Variants in NDST4 observed in about 807,000 individuals in gnomAD.
NDST4 encodes the protein N-deacetylase and N-sulfotransferase 4.
A neutral mutation model predicts 100.8 loss-of-function variants in NDST4; 63 were observed. That is an observed-to-expected ratio of 0.62 (90% CI 0.51 to 0.77). The LOEUF is 0.77. Among genes scored for constraint, NDST4 ranks in the 30% least tolerant of loss-of-function variants. The pLI is 0.00. For missense variants in NDST4, 943 were observed against 1,018.4 expected (o/e 0.93, Z 1.01); for synonymous variants, 377 against 361.8 (o/e 1.04, Z -0.48).
intron 6 of NDST4, 138 bp from the exon 7 acceptor site, chr4:114,871,088 C>T: frequency 1.8e-6 from 1 of 547,872 alleles, no homozygotes; most frequent in Middle Eastern, 4.8e-4. Flanking sequence ...GAAAGCCACA[C>T]ATTTAATTTT....
chr4:114,948,592 T>C (rs1725921432), intron 4 of NDST4, among the ~76,000 whole-genome samples: 1 of 152,102 alleles, frequency 6.6e-6, no homozygotes, highest in Non-Finnish European at 1.5e-5. Context: ...TGTTATCCTG[T>C]TGAAGTGATA....
intron 4 of NDST4, among the ~76,000 whole-genome samples, chr4:114,965,507 T>A (rs1178852920): frequency 6.6e-6 from 1 of 152,068 alleles, no homozygotes; most frequent in Admixed American, 6.6e-5. Context: ...TGTAGCTTTT[T>A]AAAATCAGAA....
chr4:114,837,836 TTAAAC>T (rs1353910253), intron 11 of NDST4, among the ~76,000 whole-genome samples: 1 of 152,122 alleles, frequency 6.6e-6, no homozygotes, highest in Non-Finnish European at 1.5e-5. Flanking sequence ...TGGGATCTAA[TTAAAC>T]TAAAGAGCTT....
At chr4:114,991,499 G>C (rs963406994) in intron 2 of NDST4, among the ~76,000 whole-genome samples, 1 of 152,030 alleles carries the variant, frequency 6.6e-6, no homozygotes, top group African/African-American at 2.4e-5. Context: ...ATAACATAAA[G>C]GGTATGTGGA....
chr4:114,862,130 A>T (rs1723930471), intron 7 of NDST4, among the ~76,000 whole-genome samples: 1 of 152,160 alleles, frequency 6.6e-6, no homozygotes, highest in African/African-American at 2.4e-5. Context: ...TAGGACAGGC[A>T]CAGTAAACAT....
chr4:114,832,976 T>TTCC (rs1723231653), intron 12 of NDST4, among the ~76,000 whole-genome samples: 1 of 120,926 alleles, frequency 8.3e-6, no homozygotes, highest in Non-Finnish European at 1.8e-5. Context: ...CAAAGCCAGA[T>TTCC]ATTCAAGTCT....
chr4:115,063,357 T>C (rs942371703), intron 2 of NDST4, among the ~76,000 whole-genome samples: 1 of 151,932 alleles, frequency 6.6e-6, no homozygotes, highest in Non-Finnish European at 1.5e-5. Context: ...TAAAAGACAA[T>C]GTCTATGACT....
intron 6 of NDST4, among the ~76,000 whole-genome samples, chr4:114,909,376 A>G (rs1442931871): frequency 1.3e-5 from 2 of 152,074 alleles, no homozygotes; most frequent in Admixed American, 1.3e-4. Context: ...AAGCTAAATT[A>G]TTGGCCGGGC....
chr4:114,935,188 C>T lies in NDST4; in HGVS notation c.1536+18G>A. 12 of 1,565,008 alleles carry T rather than the reference C, an allele frequency of 7.7e-6. No homozygotes were observed. The highest frequency in any genetic ancestry group is 9.5e-6 in the Non-Finnish European group (11 of 1,158,070). The stretch of plus-strand genomic sequence containing the variant: ...AAAATGCTAATCTTATTGTAAGGTG[C>T]ATACATAGAATACATACTGGGTTTA... On this transcript the variant is annotated intron_variant, in intron 6 of 13. Transcript: ENST00000264363.
chr4:114,911,792 A>G (rs1725068842), intron 6 of NDST4, among the ~76,000 whole-genome samples: 1 of 152,180 alleles, frequency 6.6e-6, no homozygotes, highest in Non-Finnish European at 1.5e-5. Context: ...ATGATCTCCT[A>G]CAATAAGTAT....
chr4:114,933,989 G>T (rs207464983), intron 6 of NDST4, among the ~76,000 whole-genome samples: 1 of 152,040 alleles, frequency 6.6e-6, no homozygotes, highest in East Asian at 1.9e-4. Context: ...CCTTTACTGG[G>T]TATATAGCCA....
At chr4:115,088,050 T>G (rs769444962) in intron 1 of NDST4, among the ~76,000 whole-genome samples, 2 of 151,994 alleles carry the variant, frequency 1.3e-5, no homozygotes, top group African/African-American at 2.4e-5. Flanking sequence ...GATTGAGACA[T>G]CTTTGAAATA....
Position 115,076,169 on chromosome 4 carries a change from A to C in NDST4, c.868T>G (p.Phe290Val). 1 of 1,613,960 alleles carries C rather than the reference A, an allele frequency of 6.2e-7. No homozygotes were observed. Among genetic ancestry groups the C allele is most frequent in the Non-Finnish European group, 8.5e-7 (1 of 1,179,918 alleles). Residue 290 changes from phenylalanine (F) to valine (V), a missense_variant, in exon 2 of 14, where the codon TTC becomes GTC. By Grantham distance (50) the Phe-to-Val change is conservative. Coordinates refer to ENST00000264363, the MANE Select transcript of NDST4 (RefSeq NM_022569.3). The stretch of plus-strand genomic sequence containing the variant: ...AATGTCAGCCTCTTCCCTGACAAGA[A>C]GGAGATGGCATCTATGAAGATGAGC... ...HKLIFIDAISFLSGKRLTLSL... is the reference protein window; with the variant it reads ...HKLIFIDAISVLSGKRLTLSL...
chr4:114,839,342 TAAAATAAACAGAAG>T lies in NDST4; in HGVS notation c.2286+22_2286+35del, dbSNP rs752238274. The T allele has an allele frequency of 5.1e-6, 8 of 1,557,458 alleles. No individual in the cohort carries two copies. The African/African-American group carries it at 1.1e-4, about 21-fold the overall frequency. On this transcript the variant is annotated intron_variant, in intron 11 of 13. Transcript: ENST00000264363. ...AATATAAAATTTCAGGACATTATAATAAAATAAACAGAAGAAAGTAATTTCAGGACATTACCTGA... is the reference window on the plus strand; with the variant it reads ...AATATAAAATTTCAGGACATTATAATAAAGTAATTTCAGGACATTACCTGA...
intron 1 of NDST4, among the ~76,000 whole-genome samples, chr4:115,106,026 T>C (rs1729826512): frequency 6.6e-6 from 1 of 152,056 alleles, no homozygotes; most frequent in Admixed American, 6.6e-5. Flanking sequence ...TAAGCATTTC[T>C]GCCATCAAAA....
intron 4 of NDST4, among the ~76,000 whole-genome samples, chr4:114,969,183 G>T (rs1365739095): frequency 2.6e-5 from 4 of 151,048 alleles, no homozygotes; most frequent in Non-Finnish European, 5.9e-5. Flanking sequence ...GCGTAGTGGC[G>T]GGCGCCTGTA....
At chr4:114,953,713 A>G (rs542542055) in intron 4 of NDST4, among the ~76,000 whole-genome samples, 1 of 152,234 alleles carries the variant, frequency 6.6e-6, no homozygotes, top group East Asian at 1.9e-4. Context: ...ACAATAAATA[A>G]CTCAAATGCT....
intron 6 of NDST4, among the ~76,000 whole-genome samples, chr4:114,920,389 A>G (rs1222742438): frequency 6.6e-6 from 1 of 152,196 alleles, no homozygotes; most frequent in East Asian, 1.9e-4. Context: ...GGAGGATGGC[A>G]ATTTTCAAGT....
At chr4:114,845,370 T>C (rs1723522608) in intron 10 of NDST4, among the ~76,000 whole-genome samples, 1 of 152,114 alleles carries the variant, frequency 6.6e-6, no homozygotes, top group Admixed American at 6.5e-5. Flanking sequence ...TGTTGGACTG[T>C]TGTTTTTGTG....
Sources: allele counts gnomAD v4.1 joint callset (sites outside exome capture counted in the v4.1 genomes callset), GRCh38; gene constraint gnomAD v4.1.1; transcripts MANE v1.5; gene names NCBI Gene and HGNC (gene_info 2026-07-23, HGNC 2026-07-21).